SLC24A2: variants seen among roughly 807,000 people sequenced by gnomAD.
The protein encoded by SLC24A2 is sodium/potassium/calcium exchanger 2.
SLC24A2 carries 36 observed loss-of-function variants against 62.0 expected under a neutral mutation model. The observed-to-expected ratio is 0.58, with a 90% CI of 0.44 to 0.77. The LOEUF (loss-of-function observed/expected upper bound fraction) is 0.77. SLC24A2 is among the 30% of genes least tolerant of loss of function. The pLI, the probability that SLC24A2 is intolerant of heterozygous loss-of-function variation, is 0.00. For missense variants in SLC24A2, 846 were observed against 817.9 expected (o/e 1.03, Z -0.42); for synonymous variants, 358 against 294.0 (o/e 1.22, Z -2.23).
chr9:19,971,877 C>A, the SLC24A2 span, among the ~76,000 whole-genome samples: 11 of 152,100 alleles, frequency 7.2e-5, no homozygotes, highest in South Asian at 1.9e-3. Context: ...TCATAACAAC[C>A]CTATAAGGCA....
chr9:19,784,681 A>T (rs554269899), intron 2 of SLC24A2, among the ~76,000 whole-genome samples: 1 of 152,286 alleles, frequency 6.6e-6, no homozygotes, highest in Admixed American at 6.5e-5. Flanking sequence ...CCTGAAGGAG[A>T]TGTACTCAGT....
At chr9:20,185,713 A>C in the SLC24A2 span, among the ~76,000 whole-genome samples, 1 of 151,888 alleles carries the variant, frequency 6.6e-6, no homozygotes. Flanking sequence ...CTCAGCCCCC[A>C]ACCTCAGATC....
intron 5 of SLC24A2, among the ~76,000 whole-genome samples, chr9:19,579,722 T>C (rs1836146423): frequency 6.6e-6 from 1 of 152,118 alleles, no homozygotes; most frequent in Non-Finnish European, 1.5e-5. Context: ...TGTCCTAAAG[T>C]CATGAATCAT....
chr9:20,132,323 A>T, the SLC24A2 span, among the ~76,000 whole-genome samples: 1 of 152,128 alleles, frequency 6.6e-6, no homozygotes, highest in Admixed American at 6.6e-5. Flanking sequence ...TGCTATGTGA[A>T]AGAGTTAGAT....
chr9:19,908,460 G>T, the SLC24A2 span, among the ~76,000 whole-genome samples: 1 of 152,028 alleles, frequency 6.6e-6, no homozygotes, highest in Non-Finnish European at 1.5e-5. Context: ...AAAAGCAATG[G>T]CAACAAAAGC....
At chr9:19,867,015 A>G in the SLC24A2 span, among the ~76,000 whole-genome samples, 4 of 152,144 alleles carry the variant, frequency 2.6e-5, no homozygotes, top group South Asian at 8.3e-4. Context: ...CAGGGTGACC[A>G]TGGTCAATAA....
chr9:19,538,924 T>A (rs1384260372), intron 8 of SLC24A2, among the ~76,000 whole-genome samples: 2 of 130,698 alleles, frequency 1.5e-5, no homozygotes, highest in African/African-American at 5.9e-5. Context: ...CTTCCTGGTT[T>A]AGTCTTGGGA....
chr9:19,805,831 G>GT, the SLC24A2 span, among the ~76,000 whole-genome samples: 1 of 137,934 alleles, frequency 7.2e-6, no homozygotes, highest in East Asian at 2.1e-4. Flanking sequence ...ATGGGTCTGA[G>GT]TTTTAAAAAA....
At chr9:20,292,331 T>G in the SLC24A2 span, among the ~76,000 whole-genome samples, 30 of 152,202 alleles carry the variant, frequency 2.0e-4, no homozygotes, top group Non-Finnish European at 4.1e-4. Context: ...AGTCTCGTTT[T>G]AAGTATAAGA....
rs143593216 is a variant in SLC24A2, at chr9:19,608,160, C to G, written c.1079-10881G>C. ...ATTCATTTACCAGGCGGAGGCTGCA[C>G]GCAAACATCTTGGTAGTATAAGCTG... On this transcript the variant is annotated intron_variant, in intron 4 of 10. Coordinates refer to ENST00000341998, the MANE Select transcript of SLC24A2 (RefSeq NM_020344.4). Among the ~76,000 whole-genome samples, 835 of 152,200 alleles carry G rather than the reference C, an allele frequency of 5.5e-3. 6 individuals carry two copies. The highest frequency in any genetic ancestry group is 0.019 in the African/African-American group (795 of 41,526).
chr9:19,580,719 C>T (rs1045927935), intron 5 of SLC24A2, among the ~76,000 whole-genome samples: 78 of 152,164 alleles, frequency 5.1e-4, no homozygotes, highest in African/African-American at 1.8e-3. Context: ...TGAGTTCAAG[C>T]CCTAGCTCTC....
At chr9:19,910,101 G>A in the SLC24A2 span, among the ~76,000 whole-genome samples, 4 of 152,028 alleles carry the variant, frequency 2.6e-5, no homozygotes, top group East Asian at 1.9e-4. Flanking sequence ...ATAGTCTAGC[G>A]TCACCATACT....
At chr9:20,144,316 C>G in the SLC24A2 span, among the ~76,000 whole-genome samples, 1 of 152,214 alleles carries the variant, frequency 6.6e-6, no homozygotes, top group Non-Finnish European at 1.5e-5. Context: ...AAAACAGAAA[C>G]CTTAAACACC....
intron 2 of SLC24A2, among the ~76,000 whole-genome samples, chr9:19,775,784 C>A (rs909444298): frequency 2.0e-5 from 3 of 152,202 alleles, no homozygotes; most frequent in African/African-American, 7.2e-5. Context: ...TCAGTGCATT[C>A]CGCTCATTCA....
At chr9:19,577,139 T>A (rs750148869) in intron 5 of SLC24A2, 117 bp from the exon 6 acceptor site, 1 of 821,542 alleles carries the variant, frequency 1.2e-6, no homozygotes, top group South Asian at 1.3e-5. Flanking sequence ...CACTCCATTC[T>A]GTCCAACCCC....
At chr9:20,049,601 A>G in the SLC24A2 span, among the ~76,000 whole-genome samples, 1 of 134,444 alleles carries the variant, frequency 7.4e-6, no homozygotes. Flanking sequence ...AAGTATTTAC[A>G]AAAGAAAACA....
At chr9:20,160,097 A>G in the SLC24A2 span, among the ~76,000 whole-genome samples, 1 of 151,492 alleles carries the variant, frequency 6.6e-6, no homozygotes, top group Non-Finnish European at 1.5e-5. Flanking sequence ...GAAGTGGCCA[A>G]TGACTTACTA....
chr9:19,677,943 AC>A (rs1318972716), intron 2 of SLC24A2, among the ~76,000 whole-genome samples: 1 of 152,094 alleles, frequency 6.6e-6, no homozygotes, highest in Admixed American at 6.6e-5. Context: ...CAAAACAATG[AC>A]CAATGACAGA....
the SLC24A2 span, among the ~76,000 whole-genome samples, chr9:20,275,358 T>G: frequency 2.7e-4 from 41 of 152,344 alleles, no homozygotes; most frequent in Non-Finnish European, 4.7e-4. Flanking sequence ...CTCAAATTCC[T>G]AGAGTTACCT....
Sources: gnomAD v4.1 joint callset for allele counts (sites outside exome capture counted in the v4.1 genomes callset) on GRCh38, gnomAD v4.1.1 for gene constraint, MANE v1.5 for transcripts, NCBI Gene and HGNC (gene_info 2026-07-23, HGNC 2026-07-21) for gene names.